The following APLF variants were observed in gnomAD, a reference collection of about 807,000 sequenced individuals.
APLF encodes aprataxin and PNKP like factor.
Under a neutral mutation model 55.6 loss-of-function variants are expected in APLF, and 61 were observed. The observed-to-expected ratio is 1.10, with a 90% CI of 0.89 to 1.36. The LOEUF is 1.36. APLF is among the 40% of genes most tolerant of loss of function. APLF has a pLI of 0.00. For synonymous variants in APLF, 207 were observed against 214.8 expected (o/e 0.96, Z 0.32); for missense variants, 611 against 602.5 (o/e 1.01, Z -0.15).
At chr2:68,572,066 A>G (rs1671484857) in intron 9 of APLF, among the ~76,000 whole-genome samples, 1 of 145,226 alleles carries the variant, frequency 6.9e-6, no homozygotes, top group Non-Finnish European at 1.5e-5. Context: ...TTTATTCAGA[A>G]GTTGAAACTA....
In APLF at chr2:68,515,717, A is replaced by T. The variant is rs1353120989; in HGVS notation, c.622+2037A>T. 3.0e-6 allele frequency: 3 copies of T among 983,716 alleles called. No individual in the cohort carries two copies. In the Admixed American group the frequency reaches 1.9e-4, roughly 61 times the overall value. 60.9% of individuals were successfully genotyped at this position (983,716 alleles called of 1,614,324 possible). A position where few individuals can be genotyped will look rare whatever the true frequency, so the allele number is the denominator to read the frequency against. ...AAATGCTAAAGCTTCAAAATAAGATAGAAGAGTCTTTGGATTCAGGTAATC... is the reference window on the plus strand; with the variant it reads ...AAATGCTAAAGCTTCAAAATAAGATTGAAGAGTCTTTGGATTCAGGTAATC... On this transcript the variant is annotated intron_variant, in intron 5 of 9. Transcript: ENST00000303795.
chr2:68,513,523 T>C (rs768798639), intron 4 of APLF, 25 bp from the exon 5 acceptor site: 1 of 1,602,474 alleles, frequency 6.2e-7, no homozygotes, highest in South Asian at 1.1e-5. Flanking sequence ...TGATTATTTT[T>C]AGTAATTTAT....
At chr2:68,470,775 A>G (rs945233939) in intron 1 of APLF, among the ~76,000 whole-genome samples, 1 of 152,186 alleles carries the variant, frequency 6.6e-6, no homozygotes, top group Middle Eastern at 3.2e-3. Context: ...TACTTTCTCA[A>G]TGTAGATGTA....
At chr2:68,488,597 A>G (rs535265769) in intron 1 of APLF, among the ~76,000 whole-genome samples, 1 of 152,024 alleles carries the variant, frequency 6.6e-6, no homozygotes, top group African/African-American at 2.4e-5. Context: ...CAGCCTCCCA[A>G]AGTGCTGGGA....
chr2:68,517,435 CT>C (rs1669646645), intron 5 of APLF, among the ~76,000 whole-genome samples: 1 of 131,188 alleles, frequency 7.6e-6, no homozygotes, highest in Non-Finnish European at 1.5e-5. Context: ...ATTAATATAT[CT>C]ATATATGTTA....
At chr2:68,546,275 T>C (rs113302059) in intron 8 of APLF, among the ~76,000 whole-genome samples, 7,095 of 152,134 alleles carry the variant, frequency 0.047, 224 homozygotes, top group Non-Finnish European at 0.073. Context: ...GAATATATAA[T>C]TTAAAGCTTT....
At chr2:68,553,902 TA>T (rs1455789708) in intron 8 of APLF, among the ~76,000 whole-genome samples, 1 of 152,104 alleles carries the variant, frequency 6.6e-6, no homozygotes, top group Non-Finnish European at 1.5e-5. Context: ...CATATTTTGT[TA>T]TTATTATTAT....
intron 3 of APLF, among the ~76,000 whole-genome samples, chr2:68,510,791 G>A (rs993442844): frequency 6.6e-6 from 1 of 151,764 alleles, no homozygotes; most frequent in Non-Finnish European, 1.5e-5. Context: ...AGCAACTGTT[G>A]AATAGATAAA....
intron 8 of APLF, among the ~76,000 whole-genome samples, chr2:68,555,900 C>T (rs1670995023): frequency 6.6e-6 from 1 of 152,192 alleles, no homozygotes; most frequent in African/African-American, 2.4e-5. Context: ...GATACTTGCA[C>T]ACGCATGTTT....
At chr2:68,539,734 A>G (rs950282958) in intron 7 of APLF, among the ~76,000 whole-genome samples, 1 of 152,218 alleles carries the variant, frequency 6.6e-6, no homozygotes, top group Admixed American at 6.5e-5. Flanking sequence ...TTATATAAGA[A>G]TAGAAAAGAC....
intron 7 of APLF, 27 bp from the exon 8 acceptor site, chr2:68,545,159 TC>T (rs1670665697): frequency 6.2e-7 from 1 of 1,603,540 alleles, no homozygotes; most frequent in Non-Finnish European, 8.5e-7. Context: ...ATTTTTTTTT[TC>T]TGACAGTATA....
At chr2:68,475,389 G>A (rs1158661498) in intron 1 of APLF, among the ~76,000 whole-genome samples, 1 of 152,164 alleles carries the variant, frequency 6.6e-6, no homozygotes, top group Non-Finnish European at 1.5e-5. Flanking sequence ...AGCTCAAAAA[G>A]CATTGGATTT....
At chr2:68,501,654 A>G (rs1676726033) in intron 2 of APLF, among the ~76,000 whole-genome samples, 1 of 152,202 alleles carries the variant, frequency 6.6e-6, no homozygotes, top group African/African-American at 2.4e-5. Context: ...ATAGTGGCAA[A>G]CATAATATAA....
chr2:68,557,700 T>G (rs1231871619), intron 8 of APLF, among the ~76,000 whole-genome samples: 1 of 152,090 alleles, frequency 6.6e-6, no homozygotes, highest in Non-Finnish European at 1.5e-5. Context: ...TCACCTGAGG[T>G]CAGGAGTTCA....
At chr2:68,469,021 T>TGTGG (rs1553366865) in intron 1 of APLF, among the ~76,000 whole-genome samples, 2 of 99,984 alleles carry the variant, frequency 2.0e-5, no homozygotes, top group Non-Finnish European at 4.4e-5. Flanking sequence ...TGTGTGTGTG[T>TGTGG]TGTGTGTTGT....
intron 8 of APLF, among the ~76,000 whole-genome samples, chr2:68,560,740 T>C (rs1671145863): frequency 6.6e-6 from 1 of 152,002 alleles, no homozygotes; most frequent in Admixed American, 6.6e-5. Context: ...AAAATGCCAT[T>C]TGAGAAAAAG....
chr2:68,567,324 T>C lies in APLF; in HGVS notation c.1287-17T>C. The C allele has an allele frequency of 6.2e-7, 1 of 1,601,770 alleles. No homozygotes were observed. The highest frequency in any genetic ancestry group is 1.1e-5 in the South Asian group (1 of 89,676). On this transcript the variant is annotated splice_polypyrimidine_tract_variant and intron_variant, in intron 8 of 9. Transcript: ENST00000303795. The stretch of plus-strand genomic sequence containing the variant: ...GTAATTGGAAGACTAGCTCTTATTT[T>C]TGCATTCTTCTTTCAGGAAGAATCC...
rs149415869 is a variant in APLF, at chr2:68,502,947, T to C, written c.341+44T>C. 2.4e-5 allele frequency: 38 copies of C among 1,561,120 alleles called. No homozygotes were observed. The African/African-American group carries it at 4.9e-4, about 20-fold the overall frequency. On this transcript the variant is annotated intron_variant, in intron 3 of 9. Transcript: ENST00000303795. ...GAGAGTAAGAATGTTATTTTTAATCTAATTCCTCAGCCATCACAAATCCTT... is the reference window on the plus strand; with the variant it reads ...GAGAGTAAGAATGTTATTTTTAATCCAATTCCTCAGCCATCACAAATCCTT...
chr2:68,545,159 TCTGACAGTA>T lies in APLF; in HGVS notation c.1161-27_1161-19del, dbSNP rs1375697103. On this transcript the variant is annotated intron_variant, in intron 7 of 9. Transcript: ENST00000303795. ...AATCTAGAATATCCTATTTTTTTTT[TCTGACAGTA>T]TATTTGTCGCCCTCCTAGGAAGAAT... The T allele has an allele frequency of 1.2e-6, 2 of 1,603,516 alleles. No homozygotes were observed. Among genetic ancestry groups the T allele is most frequent in the South Asian group, 1.1e-5 (1 of 89,962 alleles).
Sources: allele counts gnomAD v4.1 joint callset (sites outside exome capture counted in the v4.1 genomes callset), GRCh38; gene constraint gnomAD v4.1.1; transcripts MANE v1.5; gene names NCBI Gene and HGNC (gene_info 2026-07-23, HGNC 2026-07-21).